Variants in RORA observed in about 807,000 individuals in gnomAD.
The protein encoded by RORA is RAR related orphan receptor A.
Under a neutral mutation model 69.5 loss-of-function variants are expected in RORA, and 7 were observed. The ratio of observed to expected loss-of-function variants is 0.10; its 90% confidence interval spans 0.06 to 0.19. The LOEUF is 0.19. Ranked by LOEUF, RORA falls within the 10% of genes least tolerant of loss-of-function variation. The probability of loss-of-function intolerance (pLI) is 1.00; values close to 1 mark genes in which losing one functional copy is unlikely to be tolerated. For missense variants in RORA, 457 were observed against 663.0 expected, an observed-to-expected ratio of 0.69 and a Z score of 3.41; for synonymous variants, 261 against 240.8, an observed-to-expected ratio of 1.08 and a Z score of -0.78.
chr15:60,948,611 A>G (rs1253942028), intron 1 of RORA, among the ~76,000 whole-genome samples: 1 of 152,210 alleles, frequency 6.6e-6, no homozygotes, highest in East Asian at 1.9e-4. Flanking sequence ...TGTGACAAGT[A>G]CCATTTTCTC....
Position 60,561,083 on chromosome 15 carries a change from T to G in RORA, c.197-29232A>C, listed in dbSNP as rs866871684. 5.9e-3 allele frequency among the ~76,000 whole-genome samples: 540 copies of G among 91,122 alleles called. 4 individuals are homozygous for G. The highest frequency in any genetic ancestry group is 0.049 in the African/African-American group (520 of 10,718). 59.8% of individuals were successfully genotyped at this position (91,122 alleles called of 152,430 possible). ...TTTTTTTTTTTTTGTTTTGTTTTTGTTTTTTTTTTTGTTTTTGAGACGGAG... is the reference window on the plus strand; with the variant it reads ...TTTTTTTTTTTTTGTTTTGTTTTTGGTTTTTTTTTTGTTTTTGAGACGGAG... On this transcript the variant is annotated intron_variant, in intron 2 of 10. Coordinates refer to ENST00000335670, the MANE Select transcript of RORA (RefSeq NM_134261.3).
chr15:60,787,259 G>C (rs2072348293), intron 1 of RORA, among the ~76,000 whole-genome samples: 1 of 152,214 alleles, frequency 6.6e-6, no homozygotes, highest in Non-Finnish European at 1.5e-5. Context: ...ATGCTGGGCT[G>C]GCTGAGGGAC....
Position 61,054,690 on chromosome 15 carries a change from G to A in RORA, c.166+174363C>T, listed in dbSNP as rs372379239. Among the ~76,000 whole-genome samples, 45 of 152,248 alleles carry A rather than the reference G, an allele frequency of 3.0e-4. 2 individuals carry two copies. The South Asian group carries it at 6.8e-3, about 23-fold the overall frequency. ...GTGCTGGTGGTATATGAATAATATA[G>A]GTAAATGACACTACGAGACAAGGCA... On this transcript the variant is annotated intron_variant, in intron 1 of 10. Coordinates refer to ENST00000335670, the MANE Select transcript of RORA (RefSeq NM_134261.3).
chr15:60,735,623 T>G (rs544307112), intron 1 of RORA, among the ~76,000 whole-genome samples: 1 of 150,746 alleles, frequency 6.6e-6, no homozygotes, highest in South Asian at 2.1e-4. Context: ...AGAGACAAGG[T>G]AAACAGAAGG....
intron 2 of RORA, among the ~76,000 whole-genome samples, chr15:60,650,249 T>C (rs2070121719): frequency 6.6e-6 from 1 of 152,026 alleles, no homozygotes; most frequent in Admixed American, 6.5e-5. Context: ...CAAACAAATA[T>C]TCAGCTTGGT....
At chr15:60,712,181 T>G (rs928686544) in intron 1 of RORA, among the ~76,000 whole-genome samples, 4 of 152,184 alleles carry the variant, frequency 2.6e-5, no homozygotes, top group Non-Finnish European at 5.9e-5. Flanking sequence ...TGAAGACTTA[T>G]TCCAGAGGTG....
At chr15:60,540,571 C>CT (rs1555428657) in intron 2 of RORA, among the ~76,000 whole-genome samples, 2 of 50,868 alleles carry the variant, frequency 3.9e-5, no homozygotes, top group South Asian at 2.5e-3. Context: ...ATGACCCCCC[C>CT]CCCCCAAAAC....
chr15:60,744,728 A>G (rs1298016891), intron 1 of RORA, among the ~76,000 whole-genome samples: 1 of 152,216 alleles, frequency 6.6e-6, no homozygotes, highest in Non-Finnish European at 1.5e-5. Context: ...ATATTCAGCA[A>G]CTTACTGTCC....
intron 2 of RORA, among the ~76,000 whole-genome samples, chr15:60,645,875 G>A (rs182900596): frequency 4.4e-4 from 66 of 150,796 alleles, no homozygotes; most frequent in Non-Finnish European, 7.1e-4. Context: ...ATACATATAC[G>A]TGCCATATAC....
chr15:61,182,716 C>A (rs1442926431), intron 1 of RORA, among the ~76,000 whole-genome samples: 1 of 152,166 alleles, frequency 6.6e-6, no homozygotes, highest in Non-Finnish European at 1.5e-5. Flanking sequence ...CTGGCAGACA[C>A]CACCTTAACT....
At position 60,913,768 on chromosome 15, in the gene RORA, T is replaced by C. The variant is rs370050463; in HGVS notation, c.167-235082A>G. ...GGATTTACTGTATAGGGTGTCAAAG[T>C]AACAACTGTAGAGTTAGAGTCTATT... On this transcript the variant is annotated intron_variant, in intron 1 of 10. Transcript: ENST00000335670. 5.9e-5 allele frequency among the ~76,000 whole-genome samples: 9 copies of C among 152,346 alleles called. No individual in the cohort carries two copies. The East Asian group carries it at 1.3e-3, about 23-fold the overall frequency.
intron 2 of RORA, among the ~76,000 whole-genome samples, chr15:60,678,001 C>T (rs1355071533): frequency 6.6e-6 from 1 of 152,218 alleles, no homozygotes; most frequent in East Asian, 1.9e-4. Context: ...AACATCATTG[C>T]TCAGATTGCA....
At chr15:61,182,403 T>C (rs183327864) in intron 1 of RORA, among the ~76,000 whole-genome samples, 62 of 152,218 alleles carry the variant, frequency 4.1e-4, no homozygotes, top group African/African-American at 1.4e-3. Context: ...TTTGGAAAAA[T>C]TGCTAGCCCT....
chr15:60,674,039 A>G (rs886653327), intron 2 of RORA, among the ~76,000 whole-genome samples: 2 of 152,202 alleles, frequency 1.3e-5, no homozygotes, highest in African/African-American at 2.4e-5. Flanking sequence ...AAGGCCTACT[A>G]AAAGAACTTC....
intron 1 of RORA, among the ~76,000 whole-genome samples, chr15:60,881,326 A>T (rs150518459): frequency 6.6e-6 from 1 of 152,362 alleles, no homozygotes; most frequent in East Asian, 1.9e-4. Flanking sequence ...TCATCAGGCC[A>T]GGAGGCCCCA....
At chr15:60,615,906 T>C (rs1446416362) in intron 2 of RORA, among the ~76,000 whole-genome samples, 1 of 152,196 alleles carries the variant, frequency 6.6e-6, no homozygotes, top group African/African-American at 2.4e-5. Flanking sequence ...CATTCACCCA[T>C]GTGCCCCAGC....
intron 1 of RORA, among the ~76,000 whole-genome samples, chr15:60,729,141 A>C (rs1452117776): frequency 6.6e-6 from 1 of 152,120 alleles, no homozygotes. Context: ...CCTTGCTTTG[A>C]GAAGGCAGGC....
chr15:60,545,409 C>T (rs944791354), intron 2 of RORA, among the ~76,000 whole-genome samples: 1 of 152,176 alleles, frequency 6.6e-6, no homozygotes, highest in Non-Finnish European at 1.5e-5. Context: ...TACCTGTCCC[C>T]ACGCTTCAAA....
At chr15:60,896,651 A>T (rs1891236747) in intron 1 of RORA, among the ~76,000 whole-genome samples, 2 of 152,210 alleles carry the variant, frequency 1.3e-5, no homozygotes, top group African/African-American at 4.8e-5. Context: ...TTTCAAGTCC[A>T]GAAATACCCT....
Sources: gnomAD v4.1 joint callset for allele counts (sites outside exome capture counted in the v4.1 genomes callset) on GRCh38, gnomAD v4.1.1 for gene constraint, MANE v1.5 for transcripts, NCBI Gene and HGNC (gene_info 2026-07-23, HGNC 2026-07-21) for gene names.